The following ENOX1 variants were observed in gnomAD, a reference collection of about 807,000 sequenced individuals.
The protein encoded by ENOX1 is candidate growth-related and time keeping constitutive hydroquinone (NADH) oxidase.
ENOX1 carries 42 observed loss-of-function variants against 82.5 expected under a neutral mutation model. The ratio of observed to expected loss-of-function variants is 0.51; its 90% CI spans 0.40 to 0.66. The LOEUF is 0.66. Among genes scored for constraint, ENOX1 ranks in the 30% least tolerant of loss-of-function variants. ENOX1 has a pLI of 0.00. For synonymous variants in ENOX1, 271 were observed against 282.2 expected (o/e 0.96, Z 0.40); for missense variants, 608 against 811.6 (o/e 0.75, Z 3.05).
intron 1 of ENOX1, among the ~76,000 whole-genome samples, chr13:43,721,027 T>C (rs115626311): frequency 3.3e-5 from 5 of 152,330 alleles, no homozygotes; most frequent in African/African-American, 1.2e-4. Context: ...CAACCCATTA[T>C]TTATTTTCTT....
intron 2 of ENOX1, among the ~76,000 whole-genome samples, chr13:43,502,214 G>T (rs981319643): frequency 6.6e-6 from 1 of 151,494 alleles, no homozygotes; most frequent in Non-Finnish European, 1.5e-5. Flanking sequence ...CAAATAAGGA[G>T]AGCTAATAAG....
At chr13:43,445,340 G>C (rs769725175) in intron 3 of ENOX1, among the ~76,000 whole-genome samples, 1 of 152,060 alleles carries the variant, frequency 6.6e-6, no homozygotes, top group African/African-American at 2.4e-5. Context: ...AGCCAGGATG[G>C]TCTTGATCTC....
At chr13:43,581,781 T>G (rs2080754613) in intron 2 of ENOX1, among the ~76,000 whole-genome samples, 1 of 152,202 alleles carries the variant, frequency 6.6e-6, no homozygotes, top group Non-Finnish European at 1.5e-5. Context: ...AATAAAGGAC[T>G]GTGCCAACCA....
chr13:43,611,953 G>A (rs1244819077), intron 2 of ENOX1, among the ~76,000 whole-genome samples: 1 of 152,190 alleles, frequency 6.6e-6, no homozygotes, highest in Non-Finnish European at 1.5e-5. Flanking sequence ...ATCACATTCA[G>A]GGTTAACACA....
chr13:43,655,894 T>C (rs918567417), intron 2 of ENOX1, among the ~76,000 whole-genome samples: 1 of 152,192 alleles, frequency 6.6e-6, no homozygotes, highest in African/African-American at 2.4e-5. Context: ...TCACCATGGT[T>C]TTCCACCATT....
chr13:43,411,631 A>T (rs2054132305), intron 5 of ENOX1, among the ~76,000 whole-genome samples: 1 of 152,254 alleles, frequency 6.6e-6, no homozygotes, highest in Non-Finnish European at 1.5e-5. Flanking sequence ...TGCAAATTGG[A>T]AAGCAAATAT....
chr13:43,643,229 C>T (rs1457632976), intron 2 of ENOX1, among the ~76,000 whole-genome samples: 1 of 152,112 alleles, frequency 6.6e-6, no homozygotes, highest in African/African-American at 2.4e-5. Context: ...AGGGTAGGTA[C>T]ATAGTGTTTG....
At chr13:43,391,426 C>G (rs951643774) in intron 5 of ENOX1, among the ~76,000 whole-genome samples, 1 of 152,112 alleles carries the variant, frequency 6.6e-6, no homozygotes, top group African/African-American at 2.4e-5. Flanking sequence ...GCCCACCCAT[C>G]TCTTACTCCA....
At chr13:43,236,020 C>T (rs879668340) in intron 15 of ENOX1, among the ~76,000 whole-genome samples, 15 of 152,152 alleles carry the variant, frequency 9.9e-5, no homozygotes, top group Non-Finnish European at 1.9e-4. Flanking sequence ...TGCACACTGC[C>T]GGCACATCCT....
intron 1 of ENOX1, among the ~76,000 whole-genome samples, chr13:43,784,499 A>C (rs1379579352): frequency 6.6e-6 from 1 of 152,266 alleles, no homozygotes; most frequent in Non-Finnish European, 1.5e-5. Flanking sequence ...CTTTAGAATC[A>C]TGTAATACGT....
At chr13:43,549,551 T>C (rs972120842) in intron 2 of ENOX1, among the ~76,000 whole-genome samples, 6 of 152,216 alleles carry the variant, frequency 3.9e-5, no homozygotes, top group South Asian at 2.1e-4. Flanking sequence ...TCTACTATGA[T>C]CAATACCTCA....
At chr13:43,615,772 G>A (rs1250723466) in intron 2 of ENOX1, among the ~76,000 whole-genome samples, 1 of 151,760 alleles carries the variant, frequency 6.6e-6, no homozygotes, top group Admixed American at 6.6e-5. Flanking sequence ...GCCCTGGTGT[G>A]TGATGTTCCC....
At position 43,306,685 on chromosome 13, in the gene ENOX1, C is replaced by G. The variant is rs1418940136; in HGVS notation, c.1262-8155G>C. On this transcript the variant is annotated intron_variant, in intron 11 of 16. Transcript: ENST00000690772. ...CTCCTCTCATTTTCTCACCAATCTA[C>G]AGTATAAAAGCAGTGATCTCTTTTT... is the stretch of plus-strand genomic sequence containing the variant. Among the ~76,000 whole-genome samples the G allele has an allele frequency of 3.3e-5, 5 of 152,182 alleles. No individual in the cohort carries two copies. In the East Asian group the frequency reaches 9.6e-4, roughly 29 times the overall value.
chr13:43,549,590 A>G (rs1027088936), intron 2 of ENOX1, among the ~76,000 whole-genome samples: 1 of 152,246 alleles, frequency 6.6e-6, no homozygotes, highest in African/African-American at 2.4e-5. Flanking sequence ...ACAAAAATGC[A>G]TGACTTTTCA....
intron 2 of ENOX1, chr13:43,547,195 G>A (rs942137443): frequency 6.6e-6 from 1 of 152,216 alleles, no homozygotes; most frequent in Non-Finnish European, 1.5e-5. Flanking sequence ...AACTGGGGAA[G>A]ATGGCTCTTG....
At chr13:43,258,349 G>A (rs1356075626) in intron 14 of ENOX1, among the ~76,000 whole-genome samples, 1 of 152,188 alleles carries the variant, frequency 6.6e-6, no homozygotes, top group Non-Finnish European at 1.5e-5. Flanking sequence ...GGGTTTCACA[G>A]TGAATTGCAG....
chr13:43,472,192 C>A (rs1041375107), intron 3 of ENOX1, among the ~76,000 whole-genome samples: 6 of 152,058 alleles, frequency 3.9e-5, no homozygotes, highest in Non-Finnish European at 5.9e-5. Flanking sequence ...AAAAACAGTT[C>A]CTGGTATAAA....
chr13:43,700,141 C>T (rs11147924), intron 1 of ENOX1, among the ~76,000 whole-genome samples: 14,274 of 152,092 alleles, frequency 0.094, 1,090 homozygotes, highest in East Asian at 0.26. Context: ...CTCACTTGTA[C>T]ATTCATAAAC....
intron 3 of ENOX1, among the ~76,000 whole-genome samples, chr13:43,464,696 G>GC (rs1381566943): frequency 6.6e-6 from 1 of 151,996 alleles, no homozygotes; most frequent in Non-Finnish European, 1.5e-5. Context: ...CATTACCATG[G>GC]CCTGGTACGT....
Sources: allele counts gnomAD v4.1 joint callset (sites outside exome capture counted in the v4.1 genomes callset), GRCh38; gene constraint gnomAD v4.1.1; transcripts MANE v1.5; gene names NCBI Gene and HGNC (gene_info 2026-07-23, HGNC 2026-07-21).